Variants in ZNF277 observed in about 807,000 individuals in gnomAD.
ZNF277 encodes the protein zinc finger protein 277, also known as nuclear receptor-interacting factor 4.
ZNF277 carries 55 observed loss-of-function variants against 60.7 expected under a neutral mutation model. The ratio of observed to expected loss-of-function variants is 0.91; its 90% confidence interval spans 0.73 to 1.13. The LOEUF is 1.13. Ranked by LOEUF, ZNF277 falls within the 50% of genes most tolerant of loss-of-function variation. ZNF277 has a pLI of 0.00. For missense variants in ZNF277, 510 were observed against 523.0 expected, an observed-to-expected ratio of 0.98 and a Z score of 0.24; for synonymous variants, 178 against 179.3, an observed-to-expected ratio of 0.99 and a Z score of 0.06.
At chr7:112,322,431 T>G (rs993147505) in intron 5 of ZNF277, among the ~76,000 whole-genome samples, 2 of 152,098 alleles carry the variant, frequency 1.3e-5, no homozygotes, top group African/African-American at 4.8e-5. Context: ...ACTTCCAGCT[T>G]AAGTCTTTTG....
chr7:112,213,962 T>C (rs1180877443), intron 1 of ZNF277, among the ~76,000 whole-genome samples: 3 of 152,236 alleles, frequency 2.0e-5, no homozygotes, highest in South Asian at 2.1e-4. Flanking sequence ...TGGTCTTCAA[T>C]TGTGACTGTT....
rs766424800 is a variant in ZNF277 at position 112,327,698 on chromosome 7, T to G, written c.558-19T>G. On this transcript the variant is annotated intron_variant, in intron 5 of 11. Transcript: ENST00000361822. ...TAGATGATTTGTGAATAATCCTAAT[T>G]GCTCAAATTTCTTCCTAGATCTGTT... 1.9e-6 allele frequency: 3 copies of G among 1,586,788 alleles called. No individual in the cohort carries two copies. Among genetic ancestry groups the G allele is most frequent in the Non-Finnish European group, 2.6e-6 (3 of 1,158,804 alleles).
chr7:112,335,996 A>G (rs966843999), intron 7 of ZNF277, 108 bp from the exon 8 acceptor site: 62 of 787,944 alleles, frequency 7.9e-5, no homozygotes, highest in Non-Finnish European at 1.1e-4. Flanking sequence ...CCATTTAAAC[A>G]TGGGTGGTTT....
chr7:112,212,200 T>C (rs1821767440), intron 1 of ZNF277, among the ~76,000 whole-genome samples: 1 of 152,260 alleles, frequency 6.6e-6, no homozygotes, highest in Non-Finnish European at 1.5e-5. Flanking sequence ...ATCTGGCCTT[T>C]ATAACTTTAA....
chr7:112,219,053 A>G (rs1821959835), intron 1 of ZNF277, among the ~76,000 whole-genome samples: 1 of 152,354 alleles, frequency 6.6e-6, no homozygotes, highest in South Asian at 2.1e-4. Flanking sequence ...GCTGTTTTCC[A>G]TAATGGCTAT....
At chr7:112,329,441 G>T (rs963737158) in intron 6 of ZNF277, among the ~76,000 whole-genome samples, 3 of 152,086 alleles carry the variant, frequency 2.0e-5, no homozygotes, top group African/African-American at 7.2e-5. Flanking sequence ...AGGTATATGA[G>T]AATTATATGG....
chr7:112,283,666 G>A (rs2117056645), intron 1 of ZNF277, among the ~76,000 whole-genome samples: 1 of 152,170 alleles, frequency 6.6e-6, no homozygotes, highest in South Asian at 2.1e-4. Flanking sequence ...GAATATTTAG[G>A]TCCATTCTCT....
At chr7:112,245,724 T>C (rs1442438822) in intron 1 of ZNF277, among the ~76,000 whole-genome samples, 1 of 152,198 alleles carries the variant, frequency 6.6e-6, no homozygotes, top group Non-Finnish European at 1.5e-5. Flanking sequence ...TGTGTGTGTC[T>C]CTGTGTCCAA....
At chr7:112,245,727 G>C (rs751972857) in intron 1 of ZNF277, among the ~76,000 whole-genome samples, 2 of 151,998 alleles carry the variant, frequency 1.3e-5, no homozygotes, top group Non-Finnish European at 2.9e-5. Context: ...GTGTGTCTCT[G>C]TGTCCAAATT....
At chr7:112,225,133 G>C (rs562516312) in intron 1 of ZNF277, among the ~76,000 whole-genome samples, 1 of 152,214 alleles carries the variant, frequency 6.6e-6, no homozygotes, top group Admixed American at 6.5e-5. Context: ...TTAGTCATGT[G>C]TCCAGTGACT....
intron 1 of ZNF277, among the ~76,000 whole-genome samples, chr7:112,269,177 A>C (rs1483100737): frequency 6.7e-6 from 1 of 150,110 alleles, no homozygotes; most frequent in Non-Finnish European, 1.5e-5. Flanking sequence ...ATGCGTTATC[A>C]AATTAAATTT....
At chr7:112,261,907 T>G (rs956045739) in intron 1 of ZNF277, among the ~76,000 whole-genome samples, 7 of 152,158 alleles carry the variant, frequency 4.6e-5, no homozygotes, top group African/African-American at 1.7e-4. Flanking sequence ...TAACATCTTT[T>G]GACTTATACC....
Position 112,221,410 on chromosome 7 carries a change from G to A in ZNF277, c.91+14603G>A, listed in dbSNP as rs547194650. ...GGGAGCTCTGGGAGGAAGGACCCCCGGTAACATTATCATATATGGCAGTGG... is the reference window on the plus strand; with the variant it reads ...GGGAGCTCTGGGAGGAAGGACCCCCAGTAACATTATCATATATGGCAGTGG... On this transcript the variant is annotated intron_variant, in intron 1 of 11. Coordinates refer to ENST00000361822, the MANE Select transcript of ZNF277 (RefSeq NM_021994.3). 5.3e-5 allele frequency among the ~76,000 whole-genome samples: 8 copies of A among 152,206 alleles called. No homozygotes were observed. The East Asian group carries it at 7.7e-4, about 15-fold the overall frequency.
At chr7:112,264,079 G>T (rs1587129810) in intron 1 of ZNF277, among the ~76,000 whole-genome samples, 2 of 152,208 alleles carry the variant, frequency 1.3e-5, no homozygotes, top group South Asian at 2.1e-4. Flanking sequence ...GGTTGACATT[G>T]ACTAGATAGG....
At chr7:112,224,436 AG>A (rs1346308490) in intron 1 of ZNF277, among the ~76,000 whole-genome samples, 1 of 152,254 alleles carries the variant, frequency 6.6e-6, no homozygotes, top group African/African-American at 2.4e-5. Context: ...ACCTCAGTAT[AG>A]AACTGGGCTC....
At chr7:112,306,406 G>C (rs1049185250) in intron 4 of ZNF277, among the ~76,000 whole-genome samples, 1 of 151,816 alleles carries the variant, frequency 6.6e-6, no homozygotes. Flanking sequence ...GTATAGATGG[G>C]GTTTCACCAT....
At chr7:112,293,249 G>C (rs117721964) in intron 2 of ZNF277, among the ~76,000 whole-genome samples, 240 of 152,194 alleles carry the variant, frequency 1.6e-3, no homozygotes, top group Admixed American at 2.4e-3. Flanking sequence ...GATCTGTGCA[G>C]ATAAGCAAGG....
At chr7:112,265,628 C>A (rs1481188599) in intron 1 of ZNF277, among the ~76,000 whole-genome samples, 2 of 152,152 alleles carry the variant, frequency 1.3e-5, no homozygotes, top group East Asian at 3.9e-4. Context: ...TTGCCACAAA[C>A]CTTCAATTTG....
intron 1 of ZNF277, among the ~76,000 whole-genome samples, chr7:112,207,264 A>G (rs987519882): frequency 1.3e-5 from 2 of 152,170 alleles, no homozygotes; most frequent in African/African-American, 2.4e-5. Context: ...GAGTATTTCC[A>G]GTCGCAGACT....
Sources: allele counts gnomAD v4.1 joint callset (sites outside exome capture counted in the v4.1 genomes callset), GRCh38; gene constraint gnomAD v4.1.1; transcripts MANE v1.5; gene names NCBI Gene and HGNC (gene_info 2026-07-23, HGNC 2026-07-21).